Variants in LLGL2 observed in about 807,000 individuals in gnomAD.
LLGL2 encodes LLGL scribble cell polarity complex component 2.
In LLGL2, 81 loss-of-function variants were observed where a neutral mutation model predicts 123.2. The ratio of observed to expected loss-of-function variants is 0.66; its 90% CI spans 0.55 to 0.79. The LOEUF is 0.79. Ranked by LOEUF, LLGL2 falls within the 30% of genes least tolerant of loss-of-function variation. The pLI is 0.00. For missense variants in LLGL2, 1,273 were observed against 1,414.6 expected (o/e 0.90, Z 1.61); for synonymous variants, 577 against 594.1 (o/e 0.97, Z 0.42).
At chr17:75,573,811 C>A in intron 21 of LLGL2, 141 bp from the exon 22 acceptor site, 3 of 1,231,654 alleles carry the variant, frequency 2.4e-6, no homozygotes, top group South Asian at 1.3e-5. Context: ...AGCTGGCAGT[C>A]CAGGGCAGGA....
intron 22 of LLGL2, 52 bp downstream of exon 22, chr17:75,574,032 C>T (rs2055857738): frequency 6.5e-7 from 1 of 1,550,174 alleles, no homozygotes; most frequent in Non-Finnish European, 8.7e-7. Context: ...CCGGCCCAGA[C>T]CTGGGGCTGG....
In LLGL2 at chr17:75,573,094, C is replaced by A. The variant is rs1011527925; in HGVS notation, c.2541C>A (p.Ser847Arg). Residue 847 changes from serine to arginine, a missense_variant, in exon 20 of 26, where the codon AGC becomes AGA. Physicochemically the swap from Ser to Arg is moderately radical, Grantham distance 110 (BLOSUM62 -1). Coordinates refer to ENST00000392550, the MANE Select transcript of LLGL2 (RefSeq NM_001031803.2). Reference protein sequence around the residue: ...ALEGSRVRRVSVAHFGSRRAE... With the variant: ...ALEGSRVRRVRVAHFGSRRAE... The stretch of plus-strand genomic sequence containing the variant: ...AGGGCTCAAGAGTGCGGCGGGTCAG[C>A]GTGGCCCACTTCGGCAGTCGTCGAG... The A allele has an allele frequency of 3.1e-6, 5 of 1,612,650 alleles. No individual in the cohort carries two copies. Among genetic ancestry groups the A allele is most frequent in the Non-Finnish European group, 4.2e-6 (5 of 1,179,906 alleles).
intron 14 of LLGL2, 101 bp downstream of exon 14, chr17:75,569,426 C>A: frequency 1.0e-6 from 1 of 997,612 alleles, no homozygotes; most frequent in Non-Finnish European, 1.5e-6. Context: ...CATTCTGTGT[C>A]CTTTGCTTTT....
At chr17:75,573,897 C>T (rs1353040792) in intron 21 of LLGL2, 55 bp from the exon 22 acceptor site, 36 of 1,542,560 alleles carry the variant, frequency 2.3e-5, no homozygotes, top group Non-Finnish European at 3.2e-5. Flanking sequence ...CCAGGGCTCT[C>T]AGAGCCGGGC....
intron 3 of LLGL2, 157 bp from the exon 4 acceptor site, chr17:75,557,998 T>C: frequency 1.3e-6 from 1 of 776,398 alleles, no homozygotes; most frequent in Non-Finnish European, 2.3e-6. Flanking sequence ...CTGTGTCTCC[T>C]CCCCACCCTA....
chr17:75,575,069 C>A lies in LLGL2; in HGVS notation c.*191C>A. Reference sequence around the variant, plus strand: ...AGTCCCCTGGGCTGCCCTTCCCGGGCCTCGTCTGTCTGGGTCCTTTGGTCA... The same window carrying A: ...AGTCCCCTGGGCTGCCCTTCCCGGGACTCGTCTGTCTGGGTCCTTTGGTCA... On this transcript the variant is annotated 3_prime_UTR_variant, in exon 26 of 26. Coordinates refer to ENST00000392550, the MANE Select transcript of LLGL2 (RefSeq NM_001031803.2). The A allele has an allele frequency of 1.4e-6, 1 of 728,112 alleles. No individual in the cohort carries two copies. The highest frequency in any genetic ancestry group is 2.4e-6 in the Non-Finnish European group (1 of 416,616). The allele number at this position is 728,112 out of a possible 1,614,324, so 45.1% of individuals were successfully genotyped here.
intron 6 of LLGL2, among the ~76,000 whole-genome samples, chr17:75,560,802 T>TTAA (rs1426325926): frequency 1.0e-5 from 1 of 96,066 alleles, no homozygotes; most frequent in South Asian, 5.4e-4. Context: ...GTTTATTTAT[T>TTAA]AAAAAAAAAA....
intron 2 of LLGL2, among the ~76,000 whole-genome samples, chr17:75,554,883 C>T (rs560833543): frequency 3.8e-5 from 5 of 130,648 alleles, no homozygotes; most frequent in East Asian, 2.2e-4. Context: ...CGCAAGACTC[C>T]GTCTCAAAAA....
intron 2 of LLGL2, among the ~76,000 whole-genome samples, chr17:75,555,828 C>G (rs1382085940): frequency 6.6e-6 from 1 of 152,140 alleles, no homozygotes; most frequent in Non-Finnish European, 1.5e-5. Flanking sequence ...AAGATCAGCT[C>G]GCAGGGGTGG....
chr17:75,569,675 G>A (rs1007524003), intron 14 of LLGL2, among the ~76,000 whole-genome samples: 1 of 151,386 alleles, frequency 6.6e-6, no homozygotes, highest in East Asian at 1.9e-4. Context: ...TTTGTGGCTC[G>A]TGCCTGTAAT....
chr17:75,568,253 C>A (rs1055061882), intron 10 of LLGL2: 282 of 1,423,426 alleles, frequency 2.0e-4, no homozygotes, highest in Non-Finnish European at 3.3e-5. Flanking sequence ...TGTATCCCCC[C>A]AGGAGCCCTG....
intron 1 of LLGL2, among the ~76,000 whole-genome samples, chr17:75,529,805 G>A (rs1396556918): frequency 6.6e-6 from 1 of 151,934 alleles, no homozygotes; most frequent in Non-Finnish European, 1.5e-5. Flanking sequence ...AGGTTGCAGT[G>A]AGCCGAGATC....
chr17:75,562,096 G>C (rs1160679616), intron 6 of LLGL2, among the ~76,000 whole-genome samples: 1 of 151,584 alleles, frequency 6.6e-6, no homozygotes, highest in African/African-American at 2.4e-5. Flanking sequence ...CCACATCCTT[G>C]CTGTTGGCTG....
At chr17:75,547,994 G>C (rs1290461155) in intron 2 of LLGL2, among the ~76,000 whole-genome samples, 1 of 152,166 alleles carries the variant, frequency 6.6e-6, no homozygotes, top group Admixed American at 6.5e-5. Flanking sequence ...GAGCATACAT[G>C]ATCAGAAAAT....
rs146655914 is a variant in LLGL2 at position 75,533,062 on chromosome 17, C to T, written c.-31+7237C>T. Among the ~76,000 whole-genome samples, 612 of 151,748 alleles carry T rather than the reference C, an allele frequency of 4.0e-3. 4 individuals are homozygous for T. Among genetic ancestry groups the T allele is most frequent in the African/African-American group, 0.014 (580 of 41,366 alleles). ...TCGCCCAGGCTGGAGTGCAGTGGCG[C>T]GATCTCGGCTCACTGCAAGCTCTGC... is the stretch of plus-strand genomic sequence containing the variant. On this transcript the variant is annotated intron_variant, in intron 1 of 25. Coordinates refer to ENST00000392550, the MANE Select transcript of LLGL2 (RefSeq NM_001031803.2).
At chr17:75,533,467 G>A (rs564346215) in intron 1 of LLGL2, among the ~76,000 whole-genome samples, 79 of 151,428 alleles carry the variant, frequency 5.2e-4, no homozygotes, top group African/African-American at 1.3e-3. Context: ...ATGATGCCCA[G>A]CTAATTTTTT....
intron 21 of LLGL2, 29 bp downstream of exon 21, chr17:75,573,660 G>GCCCCCCCCC: frequency 1.0e-6 from 1 of 954,826 alleles, no homozygotes; most frequent in South Asian, 1.7e-5. Flanking sequence ...GGCCTCTCCC[G>GCCCCCCCCC]CCCCTCCCGC....
rs1247684961 is a variant in LLGL2 at position 75,549,583 on chromosome 17, C to T, written c.75+6082C>T. Among the ~76,000 whole-genome samples the T allele has an allele frequency of 6.6e-6, 1 of 152,238 alleles. No homozygotes were observed. Among genetic ancestry groups the T allele is most frequent in the Non-Finnish European group, 1.5e-5 (1 of 68,036 alleles). On this transcript the variant is annotated intron_variant, in intron 2 of 25. Coordinates refer to ENST00000392550, the MANE Select transcript of LLGL2 (RefSeq NM_001031803.2). The surrounding 1 kb of genome is among the most constrained non-coding windows in gnomAD (Gnocchi z 4.0). ...CTGGTGTCAGGTGACAGCAGCCACA[C>T]AGGGAGGGCCAGGCTGCCGCCACTG...
intron 2 of LLGL2, among the ~76,000 whole-genome samples, chr17:75,547,863 A>G (rs1459257292): frequency 6.6e-6 from 1 of 151,450 alleles, no homozygotes. Context: ...GAATGTGACC[A>G]GGTTACAGGA....
Sources: gnomAD v4.1 joint callset for allele counts (sites outside exome capture counted in the v4.1 genomes callset) on GRCh38, gnomAD v4.1.1 for gene constraint, Gnocchi (gnomAD v3.1) non-coding constraint, MANE v1.5 for transcripts, NCBI Gene and HGNC (gene_info 2026-07-23, HGNC 2026-07-21) for gene names.